The following ZNF596 variants were observed in gnomAD, a reference collection of about 807,000 sequenced individuals.
The protein encoded by ZNF596 is zinc finger protein 596.
A neutral mutation model predicts 48.3 loss-of-function variants in ZNF596; 45 were observed. The observed-to-expected ratio is 0.93, with a 90% CI of 0.73 to 1.19. The LOEUF (loss-of-function observed/expected upper bound fraction) is 1.19, where lower values mean the gene tolerates loss of function less well. Ranked by LOEUF, ZNF596 falls within the 50% of genes most tolerant of loss-of-function variation. ZNF596 has a pLI of 0.00. For missense variants in ZNF596, 848 were observed against 599.7 expected, an observed-to-expected ratio of 1.41 and a Z score of -4.32; for synonymous variants, 270 against 202.0, an observed-to-expected ratio of 1.34 and a Z score of -2.85.
chr8:236,761 A>T (rs936179648), intron 1 of ZNF596, among the ~76,000 whole-genome samples: 1 of 152,236 alleles, frequency 6.6e-6, no homozygotes, highest in African/African-American at 2.4e-5. Flanking sequence ...ATGCTCTGTC[A>T]TTATTTAACC....
At chr8:242,404 C>T (rs1299064014) in intron 2 of ZNF596, among the ~76,000 whole-genome samples, 2 of 147,332 alleles carry the variant, frequency 1.4e-5, no homozygotes, top group Non-Finnish European at 2.9e-5. Flanking sequence ...CATACTATCT[C>T]ATTGGACCTT....
chr8:242,727 C>T (rs955892135), intron 2 of ZNF596, among the ~76,000 whole-genome samples, 160 bp from the exon 3 acceptor site: 2 of 152,164 alleles, frequency 1.3e-5, no homozygotes, highest in African/African-American at 4.8e-5. Flanking sequence ...AAGCCAGATT[C>T]CCAGTTCAGA....
At position 246,179 on chromosome 8, in the gene ZNF596, G is replaced by T; in HGVS notation, c.1332G>T (p.Glu444Asp). The change falls in exon 6 of 6, where the codon GAG becomes GAT. Residue 444 changes from glutamate to aspartate, a missense_variant. By Grantham distance (45) the Glu-to-Asp change is conservative (BLOSUM62 2). Transcript: ENST00000398612. Reference sequence around the variant, plus strand: ...GACATGAGAGAACTCACACTGGAGAGAAACCATATGAATGCAATATATGTG... The same window carrying T: ...GACATGAGAGAACTCACACTGGAGATAAACCATATGAATGCAATATATGTG... ...LRRHERTHTG[E>D]KPYECNICGK... 6.2e-7 allele frequency: 1 copy of T among 1,614,086 alleles called. No individual in the cohort carries two copies. Among genetic ancestry groups the T allele is most frequent in the Non-Finnish European group, 8.5e-7 (1 of 1,180,014 alleles).
intron 1 of ZNF596, chr8:234,748 C>G (rs1796555712): frequency 6.6e-6 from 1 of 152,156 alleles, no homozygotes; most frequent in Non-Finnish European, 1.5e-5. Flanking sequence ...CACACTGTGA[C>G]CCAGTGAATT....
intron 5 of ZNF596, 93 bp from the exon 6 acceptor site, chr8:245,061 A>G (rs1797007288): frequency 7.1e-7 from 1 of 1,414,078 alleles, no homozygotes; most frequent in Non-Finnish European, 9.5e-7. Flanking sequence ...CCACTGAATG[A>G]TTATTCTAGA....
intron 4 of ZNF596, 152 bp downstream of exon 4, chr8:243,957 G>A (rs926501835): frequency 1.7e-4 from 90 of 537,588 alleles, no homozygotes; most frequent in Middle Eastern, 5.3e-4. Context: ...GCGTGATCTC[G>A]GCTCACTGCA....
chr8:246,217 A>G lies in ZNF596; in HGVS notation c.1370A>G (p.Asn457Ser), dbSNP rs950878363. Residue 457 changes from asparagine (N) to serine (S), a missense_variant, in exon 6 of 6, where the codon AAT becomes AGT. Physicochemically the swap from Asn to Ser is conservative, Grantham distance 46. Coordinates refer to ENST00000398612, the MANE Select transcript of ZNF596 (RefSeq NM_001042416.3). Reference protein sequence around the residue: ...YECNICGKAFNRSYNFRLHRR... With the variant: ...YECNICGKAFSRSYNFRLHRR... ...TGCAATATATGTGGTAAAGCCTTCA[A>G]TAGAAGTTACAACTTTAGACTTCAT... is the stretch of plus-strand genomic sequence containing the variant. The G allele has an allele frequency of 6.2e-7, 1 of 1,613,974 alleles. No individual in the cohort carries two copies. The highest frequency in any genetic ancestry group is 1.3e-5 in the African/African-American group (1 of 74,908).
chr8:233,614 T>C (rs1796509510), intron 1 of ZNF596: 1 of 154,988 alleles, frequency 6.5e-6, no homozygotes, highest in Non-Finnish European at 1.4e-5. Flanking sequence ...CTGCAAATAT[T>C]GAAGGATGAC....
intron 2 of ZNF596, among the ~76,000 whole-genome samples, chr8:241,222 A>G (rs1796842586): frequency 6.6e-6 from 1 of 152,120 alleles, no homozygotes; most frequent in Admixed American, 6.5e-5. Flanking sequence ...AAATAAATTC[A>G]CTCATTACCT....
At chr8:236,217 T>C (rs1429541644) in intron 1 of ZNF596, among the ~76,000 whole-genome samples, 2 of 152,250 alleles carry the variant, frequency 1.3e-5, no homozygotes, top group African/African-American at 4.8e-5. Context: ...GTGTGTTTGC[T>C]TTTTTTAAGG....
Position 244,710 on chromosome 8 carries a change from T to C in ZNF596, c.306+9T>C, listed in dbSNP as rs774155365. 7 of 1,607,128 alleles carry C rather than the reference T, an allele frequency of 4.4e-6. No homozygotes were observed. The highest frequency in any genetic ancestry group is 6.0e-6 in the Non-Finnish European group (7 of 1,175,938). ...CCACCATCAGCACAATGGTAAGCTT[T>C]ATGGATGCAAACCCTGTTCTTACAT... On this transcript the variant is annotated intron_variant, in intron 5 of 5. Transcript: ENST00000398612.
At position 238,594 on chromosome 8, in the gene ZNF596, A is replaced by T. The variant is rs1796714529; in HGVS notation, c.-72-2230A>T. On this transcript the variant is annotated intron_variant, in intron 1 of 5. Transcript: ENST00000398612. ...GGTAGGCAGATCATTTGAGGCCAGG[A>T]GTTCAAAATCAGCTTTGCCAACATG... 3.6e-5 allele frequency among the ~76,000 whole-genome samples: 5 copies of T among 140,008 alleles called. 1 individual carries two copies. In the South Asian group the frequency reaches 1.2e-3, roughly 35 times the overall value. 91.9% of individuals were successfully genotyped at this position (140,008 alleles called of 152,430 possible).
intron 1 of ZNF596, among the ~76,000 whole-genome samples, chr8:239,172 G>C (rs1796747485): frequency 6.6e-6 from 1 of 152,206 alleles, no homozygotes; most frequent in South Asian, 2.1e-4. Context: ...CTAAAAATTG[G>C]AGGGTCCTAA....
intron 1 of ZNF596, among the ~76,000 whole-genome samples, chr8:238,229 T>A (rs1208954410): frequency 6.6e-6 from 1 of 152,100 alleles, no homozygotes; most frequent in African/African-American, 2.4e-5. Context: ...TGTGGAGGTT[T>A]ATGGTGGCCC....
rs746062093 is a variant in ZNF596, at chr8:244,647, G to C, written c.252G>C (p.Glu84Asp). The part of the protein sequence containing the change: ...QGREVGIKHQ[E>D]IPFIQHIYQK... ...GAGAAGTTGGCATTAAACATCAAGA[G>C]ATACCATTCATTCAACATATCTATC... The change falls in exon 5 of 6, where the codon GAG becomes GAC. Residue 84 changes from glutamate to aspartate, a missense_variant. Coordinates refer to ENST00000398612, the MANE Select transcript of ZNF596 (RefSeq NM_001042416.3). 1.2e-6 allele frequency: 2 copies of C among 1,612,776 alleles called. No homozygotes were observed.
intron 1 of ZNF596, among the ~76,000 whole-genome samples, chr8:238,124 C>G (rs1584903936): frequency 6.6e-6 from 1 of 152,300 alleles, no homozygotes; most frequent in South Asian, 2.1e-4. Flanking sequence ...GATTGAGAAG[C>G]TCACAGGGGC....
At chr8:235,636 T>A (rs1796587861) in intron 1 of ZNF596, among the ~76,000 whole-genome samples, 1 of 152,224 alleles carries the variant, frequency 6.6e-6, no homozygotes, top group South Asian at 2.1e-4. Context: ...TGCTATTTTA[T>A]ATTCTGTAGT....
intron 1 of ZNF596, 157 bp downstream of exon 1, chr8:232,851 T>G (rs529343640): frequency 2.2e-6 from 1 of 452,864 alleles, no homozygotes; most frequent in East Asian, 7.0e-5. Context: ...ACCCCACGCT[T>G]CGGGGTGGCC....
At chr8:244,141 C>T (rs1796964495) in intron 4 of ZNF596, 2 of 215,284 alleles carry the variant, frequency 9.3e-6, no homozygotes, top group South Asian at 7.3e-5. Flanking sequence ...CCACCCACCT[C>T]AGCCTCCCAG....
Sources: gnomAD v4.1 joint callset for allele counts (sites outside exome capture counted in the v4.1 genomes callset) on GRCh38, gnomAD v4.1.1 for gene constraint, MANE v1.5 for transcripts, NCBI Gene and HGNC (gene_info 2026-07-23, HGNC 2026-07-21) for gene names.